GOLGA5: variants seen among roughly 807,000 people sequenced by gnomAD.
GOLGA5 encodes the protein golgin A5.
A neutral mutation model predicts 93.5 loss-of-function variants in GOLGA5; 50 were observed. The ratio of observed to expected loss-of-function variants is 0.53; its 90% CI spans 0.43 to 0.68. GOLGA5 has a LOEUF of 0.68. Ranked by LOEUF, GOLGA5 falls within the 30% of genes least tolerant of loss-of-function variation. GOLGA5 has a pLI of 0.00. For missense variants in GOLGA5, 760 were observed against 856.4 expected (o/e 0.89, Z 1.40); for synonymous variants, 312 against 304.5 (o/e 1.02, Z -0.26).
At chr14:92,833,443 G>A (rs1407219487) in intron 10 of GOLGA5, 96 bp downstream of exon 10, 6 of 874,896 alleles carry the variant, frequency 6.9e-6, no homozygotes, top group Non-Finnish European at 5.5e-6. Flanking sequence ...ACTTCATCCA[G>A]TGAAGGACTC....
intron 10 of GOLGA5, among the ~76,000 whole-genome samples, chr14:92,834,857 G>T (rs1037453504): frequency 1.3e-5 from 2 of 152,226 alleles, no homozygotes; most frequent in African/African-American, 4.8e-5. Context: ...CCGGAGGTGG[G>T]TGGGTAGCCA....
At position 92,839,658 on chromosome 14, in the gene GOLGA5, GC is replaced by G; in HGVS notation, c.*213del. Reference sequence around the variant, plus strand: ...TCTAAAACAGACAATAATTTAACAAGCTCAGCTCTGCTTTATCTGAGTTTAG... The same window carrying G: ...TCTAAAACAGACAATAATTTAACAAGTCAGCTCTGCTTTATCTGAGTTTAG... On this transcript the variant is annotated 3_prime_UTR_variant, in exon 13 of 13. Transcript: ENST00000163416. 1.0e-5 allele frequency: 6 copies of G among 582,952 alleles called. No individual in the cohort carries two copies. Among genetic ancestry groups the G allele is most frequent in the Non-Finnish European group, 1.8e-5 (6 of 328,656 alleles). 36.1% of individuals were successfully genotyped at this position (582,952 alleles called of 1,614,324 possible).
intron 5 of GOLGA5, among the ~76,000 whole-genome samples, chr14:92,811,104 G>T (rs1200135811): frequency 2.0e-5 from 3 of 152,186 alleles, no homozygotes; most frequent in African/African-American, 4.8e-5. Context: ...AGTTATTAAT[G>T]AGATATTTTA....
intron 9 of GOLGA5, among the ~76,000 whole-genome samples, chr14:92,825,413 C>G (rs1885396833): frequency 6.6e-6 from 1 of 152,102 alleles, no homozygotes; most frequent in Non-Finnish European, 1.5e-5. Context: ...TCTTCCCTTG[C>G]CTATTTTGTG....
intron 12 of GOLGA5, among the ~76,000 whole-genome samples, chr14:92,838,340 AAG>A (rs1334032836): frequency 3.2e-4 from 49 of 152,066 alleles, no homozygotes; most frequent in African/African-American, 1.2e-3. Context: ...CACTAGAGGG[AAG>A]AGTTATTCCT....
intron 3 of GOLGA5, 90 bp downstream of exon 3, chr14:92,807,053 A>C (rs1453059165): frequency 1.1e-6 from 1 of 869,834 alleles, no homozygotes; most frequent in Non-Finnish European, 1.9e-6. Context: ...TAATCCCAGC[A>C]CTTTGGGAGG....
rs764230310 is a variant in GOLGA5, at chr14:92,811,653, G to T, written c.1219G>T (p.Val407Phe). 3.7e-6 allele frequency: 6 copies of T among 1,612,336 alleles called. No homozygotes were observed. The highest frequency in any genetic ancestry group is 5.1e-6 in the Non-Finnish European group (6 of 1,178,770). ...ERKYSDEKKR[V>F]DELQQQVKLY... ...AAAATACTCAGATGAGAAGAAGAGG[G>T]TTGATGAACTGCAGCAGCAAGTCAA... The change falls in exon 6 of 13, where the codon GTT (valine) becomes TTT (phenylalanine). Residue 407 changes from valine (V) to phenylalanine (F), a missense_variant. Transcript: ENST00000163416.
At chr14:92,824,220 C>T (rs1595600935) in intron 8 of GOLGA5, among the ~76,000 whole-genome samples, 1 of 152,112 alleles carries the variant, frequency 6.6e-6, no homozygotes, top group East Asian at 1.9e-4. Context: ...TGCTATATAA[C>T]TGAGATTCTT....
chr14:92,820,757 A>T (rs1214538768), intron 8 of GOLGA5, among the ~76,000 whole-genome samples: 3 of 152,176 alleles, frequency 2.0e-5, no homozygotes. Context: ...ACTGCCTGTA[A>T]ACATTTTGTT....
intron 9 of GOLGA5, among the ~76,000 whole-genome samples, chr14:92,831,953 A>G (rs1299382881): frequency 1.3e-5 from 2 of 152,256 alleles, no homozygotes; most frequent in Non-Finnish European, 2.9e-5. Flanking sequence ...TACTGTAGCT[A>G]GGAAATGTCA....
chr14:92,825,855 CA>C (rs35982767), intron 9 of GOLGA5, among the ~76,000 whole-genome samples: 16 of 117,058 alleles, frequency 1.4e-4, no homozygotes, highest in East Asian at 2.5e-4. Flanking sequence ...GACCCTGTCT[CA>C]AAAAAAAAAA....
chr14:92,811,821 G>T, intron 6 of GOLGA5, 67 bp downstream of exon 6: 1 of 1,107,320 alleles, frequency 9.0e-7, no homozygotes, highest in East Asian at 2.4e-5. Context: ...ATTTGAGACT[G>T]TGTAGATACT....
chr14:92,829,088 C>G (rs10142833), intron 9 of GOLGA5, among the ~76,000 whole-genome samples: 99,335 of 151,760 alleles, frequency 0.65, 32,928 homozygotes, highest in African/African-American at 0.77. Flanking sequence ...CTTCAGCTTC[C>G]CAAGTGGCTG....
At chr14:92,805,603 C>T (rs1884967959) in intron 2 of GOLGA5, among the ~76,000 whole-genome samples, 2 of 152,048 alleles carry the variant, frequency 1.3e-5, no homozygotes, top group East Asian at 1.9e-4. Flanking sequence ...TTTTATAGTC[C>T]CACCAGCAGT....
At chr14:92,807,202 T>A (rs781371576) in intron 3 of GOLGA5, among the ~76,000 whole-genome samples, 5 of 152,102 alleles carry the variant, frequency 3.3e-5, no homozygotes, top group Non-Finnish European at 7.4e-5. Flanking sequence ...CTCAGGAGGC[T>A]GAGGCAGGGG....
chr14:92,798,018 G>A (rs770554079), intron 2 of GOLGA5, 37 bp downstream of exon 2: 2 of 1,325,466 alleles, frequency 1.5e-6, no homozygotes, highest in Admixed American at 4.4e-5. Flanking sequence ...TTAGAGTTAA[G>A]CAAATTGAAT....
At position 92,806,804 on chromosome 14, in the gene GOLGA5, A is replaced by G. The variant is rs773594321; in HGVS notation, c.613A>G (p.Asn205Asp). 1.9e-6 allele frequency: 3 copies of G among 1,613,936 alleles called. No homozygotes were observed. The highest frequency in any genetic ancestry group is 1.1e-5 in the South Asian group (1 of 91,080). The change falls in exon 3 of 13, where the codon AAT (asparagine) becomes GAT (aspartate). Residue 205 changes from asparagine to aspartate, a missense_variant. By Grantham distance (23) the Asn-to-Asp change is conservative. Transcript: ENST00000163416. ...ATCTTCAAAGGAAAATGTGTCATCA[A>G]ATGCTGCCTGCCCTGACCACACCCC... ...EESSKENVSSNAACPDHTPTP... is the reference protein window; with the variant it reads ...EESSKENVSSDAACPDHTPTP...
rs376035342 is a variant in GOLGA5, at chr14:92,797,884, C to G, written c.447C>G (p.Val149=). The G allele has an allele frequency of 1.2e-6, 2 of 1,612,864 alleles. No homozygotes were observed. Among genetic ancestry groups the G allele is most frequent in the African/African-American group, 1.3e-5 (1 of 74,930 alleles). Residue 149 remains valine, a synonymous_variant, in exon 2 of 13, where the codon GTC becomes GTG. Transcript: ENST00000163416. ...GAAAGGAAAAAGGCAAGACACCTGT[C>G]TTTCAGAGCTCTCAGACATCAAGTG... ...EIRKEKGKTP[V]FQSSQTSSVS... is the part of the protein sequence containing the mutation.
At chr14:92,826,616 T>G (rs1885427012) in intron 9 of GOLGA5, among the ~76,000 whole-genome samples, 1 of 150,942 alleles carries the variant, frequency 6.6e-6, no homozygotes, top group Non-Finnish European at 1.5e-5. Flanking sequence ...GAGAATCACT[T>G]GAACCCAGAA....
Sources: allele counts gnomAD v4.1 joint callset (sites outside exome capture counted in the v4.1 genomes callset), GRCh38; gene constraint gnomAD v4.1.1; transcripts MANE v1.5; gene names NCBI Gene and HGNC (gene_info 2026-07-23, HGNC 2026-07-21).